The following MCMBP variants were observed in gnomAD, a reference collection of about 807,000 sequenced individuals.
MCMBP encodes minichromosome maintenance complex binding protein, also known as mini-chromosome maintenance complex-binding protein.
MCMBP carries 31 observed loss-of-function variants against 81.3 expected under a neutral mutation model. The observed-to-expected ratio is 0.38, with a 90% CI of 0.29 to 0.51. The LOEUF (loss-of-function observed/expected upper bound fraction) is 0.51, where lower values mean the gene tolerates loss of function less well. Ranked by LOEUF, MCMBP falls within the 20% of genes least tolerant of loss-of-function variation. The probability of loss-of-function intolerance (pLI) is 0.87; values close to 1 mark genes in which losing one functional copy is unlikely to be tolerated. For synonymous variants in MCMBP, 267 were observed against 275.9 expected (o/e 0.97, Z 0.32); for missense variants, 645 against 772.1 (o/e 0.84, Z 1.95).
chr10:119,850,685 C>A (rs1852781154), intron 6 of MCMBP, among the ~76,000 whole-genome samples: 1 of 141,446 alleles, frequency 7.1e-6, no homozygotes, highest in African/African-American at 2.6e-5. Context: ...GGAGGCGGAG[C>A]TTGCAGTGAG....
At chr10:119,866,397 G>A (rs1265805918) in intron 1 of MCMBP, among the ~76,000 whole-genome samples, 1 of 152,134 alleles carries the variant, frequency 6.6e-6, no homozygotes, top group Non-Finnish European at 1.5e-5. Flanking sequence ...AGGCCGAGGC[G>A]TGTGGATCAC....
intron 14 of MCMBP, among the ~76,000 whole-genome samples, chr10:119,834,726 T>A (rs986838735): frequency 2.6e-5 from 4 of 151,600 alleles, no homozygotes; most frequent in Non-Finnish European, 5.9e-5. Context: ...CTGGGCACAG[T>A]GGCACATGCC....
rs1341506125 is a variant in MCMBP, at chr10:119,829,714, C to T, written c.*1760G>A. 2 of 152,208 alleles carry T rather than the reference C, an allele frequency of 1.3e-5. No individual in the cohort carries two copies. Among genetic ancestry groups the T allele is most frequent in the Non-Finnish European group, 2.9e-5 (2 of 68,056 alleles). 9.4% of individuals were successfully genotyped at this position (152,208 alleles called of 1,614,324 possible). On this transcript the variant is annotated 3_prime_UTR_variant, in exon 16 of 16. Transcript: ENST00000369077. ...CAGTTCAGCTCTCTCATGTCTTCCA[C>T]CAAGAGGACATGGTCTTTTTCCACA... is the stretch of plus-strand genomic sequence containing the variant.
intron 8 of MCMBP, 113 bp from the exon 9 acceptor site, chr10:119,843,539 G>T: frequency 3.1e-6 from 3 of 979,640 alleles, no homozygotes; most frequent in Non-Finnish European, 4.4e-6. Flanking sequence ...ATTTCCACCT[G>T]TACATCTCCT....
At chr10:119,872,300 C>T in intron 1 of MCMBP, among the ~76,000 whole-genome samples, 1 of 152,090 alleles carries the variant, frequency 6.6e-6, no homozygotes, top group East Asian at 2.0e-4. Flanking sequence ...GGCTCCCAAG[C>T]TGCGACTCGG....
chr10:119,858,344 A>G (rs1853124966), intron 4 of MCMBP: 1 of 151,064 alleles, frequency 6.6e-6, no homozygotes, highest in African/African-American at 2.4e-5. Flanking sequence ...AAGGCAAACA[A>G]AAAAATCCTT....
intron 11 of MCMBP, among the ~76,000 whole-genome samples, chr10:119,839,482 A>G (rs1443760582): frequency 2.0e-5 from 3 of 152,156 alleles, no homozygotes; most frequent in African/African-American, 7.2e-5. Context: ...TTCTAAGAAA[A>G]CGGGGAGCTT....
At chr10:119,858,386 T>C (rs190807313) in intron 4 of MCMBP, 1 of 153,316 alleles carries the variant, frequency 6.5e-6, no homozygotes, top group Admixed American at 6.5e-5. Context: ...ATTTGATGTC[T>C]CCTGGGTCCT....
Position 119,843,273 on chromosome 10 carries a change from G to A in MCMBP, c.981C>T (p.Asn327=). The A allele has an allele frequency of 1.9e-6, 3 of 1,613,728 alleles. No homozygotes were observed. Among genetic ancestry groups the A allele is most frequent in the Non-Finnish European group, 2.5e-6 (3 of 1,179,752 alleles). Residue 327 remains asparagine, a synonymous_variant, in exon 9 of 16, where the codon AAC becomes AAT. Coordinates refer to ENST00000369077, the MANE Select transcript of MCMBP (RefSeq NM_001256378.2). ...HINPLLPACL[N]KEESKTFVSS... ...ACTTACAGGTTTTGCTCTCCTCTTTGTTAAGGCAGGCAGGCAATAATGGGT... is the reference window on the plus strand; with the variant it reads ...ACTTACAGGTTTTGCTCTCCTCTTTATTAAGGCAGGCAGGCAATAATGGGT...
intron 1 of MCMBP, among the ~76,000 whole-genome samples, chr10:119,865,550 T>C (rs1159496479): frequency 1.3e-5 from 2 of 152,100 alleles, no homozygotes; most frequent in African/African-American, 4.8e-5. Context: ...GTGGAAAAGT[T>C]TGGCAATTCC....
chr10:119,857,304 A>T, intron 5 of MCMBP, 34 bp downstream of exon 5: 1 of 1,469,848 alleles, frequency 6.8e-7, no homozygotes, highest in Non-Finnish European at 9.4e-7. Flanking sequence ...TTTAGAAACC[A>T]TCAACACAGT....
At chr10:119,840,425 TAA>T (rs1350239022) in intron 11 of MCMBP, among the ~76,000 whole-genome samples, 1 of 152,156 alleles carries the variant, frequency 6.6e-6, no homozygotes, top group African/African-American at 2.4e-5. Flanking sequence ...CCCTGGCAAA[TAA>T]AGTGAGCTCA....
At chr10:119,871,412 A>G (rs952693239) in intron 1 of MCMBP, among the ~76,000 whole-genome samples, 1 of 152,094 alleles carries the variant, frequency 6.6e-6, no homozygotes, top group Admixed American at 6.5e-5. Context: ...TCACTGGCTA[A>G]GTTCGGACGT....
At chr10:119,832,141 A>G (rs372075347) in intron 14 of MCMBP, 41 bp from the exon 15 acceptor site, 9 of 1,565,732 alleles carry the variant, frequency 5.7e-6, no homozygotes, top group African/African-American at 2.7e-5. Context: ...GCATTTTTGT[A>G]AGGAAAAGAA....
chr10:119,832,208 G>A (rs1852073537), intron 14 of MCMBP, 108 bp from the exon 15 acceptor site: 1 of 857,106 alleles, frequency 1.2e-6, no homozygotes, highest in Non-Finnish European at 1.8e-6. Context: ...CTTAGACAAA[G>A]GAGGCAATAT....
intron 5 of MCMBP, among the ~76,000 whole-genome samples, chr10:119,855,602 C>T (rs1853008290): frequency 6.6e-6 from 1 of 151,916 alleles, no homozygotes; most frequent in Non-Finnish European, 1.5e-5. Flanking sequence ...ACCTGGCAGG[C>T]TGAGGTTGCA....
intron 14 of MCMBP, among the ~76,000 whole-genome samples, chr10:119,834,761 T>G (rs1852176286): frequency 6.9e-6 from 1 of 145,942 alleles, no homozygotes; most frequent in South Asian, 2.1e-4. Flanking sequence ...CTCAGGAGGC[T>G]GAAGTGGGAG....
intron 14 of MCMBP, among the ~76,000 whole-genome samples, chr10:119,833,607 T>C (rs950236313): frequency 1.5e-5 from 2 of 137,068 alleles, no homozygotes; most frequent in Non-Finnish European, 3.3e-5. Flanking sequence ...AGTTTAAGGC[T>C]GCAGTGAGCT....
At chr10:119,842,867 C>T (rs1852483501) in intron 9 of MCMBP, 5 of 379,966 alleles carry the variant, frequency 1.3e-5, no homozygotes, top group Non-Finnish European at 2.5e-5. Context: ...AGTTCTCCTG[C>T]CTCAGCCTCC....
Sources: allele counts gnomAD v4.1 joint callset (sites outside exome capture counted in the v4.1 genomes callset), GRCh38; gene constraint gnomAD v4.1.1; transcripts MANE v1.5; gene names NCBI Gene and HGNC (gene_info 2026-07-23, HGNC 2026-07-21).